Variants in TFDP2 observed in about 807,000 individuals in gnomAD.
TFDP2 encodes transcription factor Dp-2 (E2F dimerization partner 2).
Under a neutral mutation model 59.3 loss-of-function variants are expected in TFDP2, and 17 were observed. The observed-to-expected ratio is 0.29, with a 90% confidence interval of 0.20 to 0.43. The LOEUF is 0.43. TFDP2 is among the 20% of genes least tolerant of loss of function. The probability of loss-of-function intolerance (pLI) is 1.00; values close to 1 mark genes in which losing one functional copy is unlikely to be tolerated. For synonymous variants in TFDP2, 180 were observed against 194.7 expected, an observed-to-expected ratio of 0.92 and a Z score of 0.63; for missense variants, 391 against 528.8, an observed-to-expected ratio of 0.74 and a Z score of 2.56.
intron 1 of TFDP2, among the ~76,000 whole-genome samples, chr3:142,119,499 A>G (rs1356863827): frequency 6.6e-6 from 1 of 152,242 alleles, no homozygotes; most frequent in Non-Finnish European, 1.5e-5. Flanking sequence ...AAGGCCATCA[A>G]AAAACAGTTT....
chr3:141,987,078 C>A (rs78728386), intron 6 of TFDP2, among the ~76,000 whole-genome samples: 2,006 of 152,146 alleles, frequency 0.013, 46 homozygotes, highest in African/African-American at 0.046. Flanking sequence ...GCAAATAGTG[C>A]CATTTTATTT....
chr3:142,013,826 A>G (rs1161374699), intron 3 of TFDP2, among the ~76,000 whole-genome samples: 1 of 126,512 alleles, frequency 7.9e-6, no homozygotes, highest in Non-Finnish European at 1.7e-5. Flanking sequence ...AATCACCTTC[A>G]ATATGTCCAA....
At chr3:142,047,131 A>G (rs1947379292) in intron 3 of TFDP2, among the ~76,000 whole-genome samples, 1 of 152,210 alleles carries the variant, frequency 6.6e-6, no homozygotes, top group Non-Finnish European at 1.5e-5. Flanking sequence ...CAGATTAACA[A>G]CGTTGAAAGA....
Position 141,959,767 on chromosome 3 carries a change from T to G in TFDP2, c.958A>C (p.Met320Leu). 1 of 1,614,158 alleles carries G rather than the reference T, an allele frequency of 6.2e-7. No homozygotes were observed. The highest frequency in any genetic ancestry group is 8.5e-7 in the Non-Finnish European group (1 of 1,180,000). Residue 320 changes from methionine (M) to leucine (L), a missense_variant, in exon 11 of 13, where the codon ATG becomes CTG. Met to Leu is a conservative substitution (Grantham distance 15). Coordinates refer to ENST00000489671, the MANE Select transcript of TFDP2 (RefSeq NM_001178139.2). ...DDIEVLKRMG[M>L]SFGLESGKCS... ...TTGCCTGACTCCAGGCCAAACGACA[T>G]TCCCATCCGCTTTAGTACTTCTATG...
At chr3:141,974,907 CTT>C (rs753702830) in intron 7 of TFDP2, among the ~76,000 whole-genome samples, 3 of 90,484 alleles carry the variant, frequency 3.3e-5, no homozygotes, top group South Asian at 4.2e-4. Flanking sequence ...TCTTCTTCTT[CTT>C]TTTTTTTTTT....
At chr3:142,113,253 T>TATTTATTTATTTATTTATTTA (rs142413325) in intron 1 of TFDP2, among the ~76,000 whole-genome samples, 6 of 152,010 alleles carry the variant, frequency 3.9e-5, no homozygotes, top group Admixed American at 6.6e-5. Flanking sequence ...GACATTTATT[T>TATTTATTTATTTATTTATTTA]TTTATTTATT....
intron 3 of TFDP2, among the ~76,000 whole-genome samples, chr3:142,028,210 GA>G (rs1189386171): frequency 5.9e-5 from 9 of 151,908 alleles, no homozygotes; most frequent in Non-Finnish European, 1.0e-4. Flanking sequence ...AACTACTGGG[GA>G]AAAAAATGAA....
At chr3:142,044,204 C>T (rs539796209) in intron 3 of TFDP2, 40 of 275,072 alleles carry the variant, frequency 1.5e-4, no homozygotes, top group Middle Eastern at 1.4e-3. Context: ...CTCATGGCTG[C>T]GGCGGCGGCA....
At chr3:141,953,297 A>G (rs1936145833) in intron 11 of TFDP2, among the ~76,000 whole-genome samples, 1 of 152,150 alleles carries the variant, frequency 6.6e-6, no homozygotes, top group Admixed American at 6.6e-5. Context: ...TCTTTTTCTT[A>G]GATAAGCCCT....
At chr3:141,992,364 T>G (rs1042468762) in intron 6 of TFDP2, among the ~76,000 whole-genome samples, 17 of 152,248 alleles carry the variant, frequency 1.1e-4, no homozygotes, top group African/African-American at 4.1e-4. Flanking sequence ...AACACTTTTA[T>G]GTGTTCTCAC....
chr3:142,108,892 C>T (rs2061561545), intron 1 of TFDP2, among the ~76,000 whole-genome samples: 1 of 152,158 alleles, frequency 6.6e-6, no homozygotes, highest in Non-Finnish European at 1.5e-5. Context: ...CTGTCTGGAA[C>T]CTTTACCTGA....
At chr3:142,031,301 T>C (rs142778461) in intron 3 of TFDP2, among the ~76,000 whole-genome samples, 15 of 152,196 alleles carry the variant, frequency 9.9e-5, no homozygotes, top group African/African-American at 3.6e-4. Context: ...TGAGCACCTA[T>C]TATGTATCAG....
At chr3:141,972,302 G>T (rs184745583) in intron 8 of TFDP2, among the ~76,000 whole-genome samples, 1 of 152,230 alleles carries the variant, frequency 6.6e-6, no homozygotes, top group Admixed American at 6.5e-5. Flanking sequence ...GGCCGCTGCC[G>T]TAACTCAGAC....
At chr3:141,994,652 G>A (rs1232554312) in intron 5 of TFDP2, 1 of 154,934 alleles carries the variant, frequency 6.5e-6, no homozygotes, top group Non-Finnish European at 1.4e-5. Flanking sequence ...ATTCATAGGG[G>A]AAATTCTGAG....
chr3:142,041,163 G>A (rs1946950704), intron 3 of TFDP2, among the ~76,000 whole-genome samples: 1 of 152,210 alleles, frequency 6.6e-6, no homozygotes, highest in African/African-American at 2.4e-5. Context: ...AGTGAGGGCT[G>A]ACTTGTGCAT....
At chr3:141,993,620 ATACT>A (rs1372941076) in intron 5 of TFDP2, 35 bp from the exon 6 acceptor site, 4 of 1,225,118 alleles carry the variant, frequency 3.3e-6, no homozygotes, top group African/African-American at 1.5e-5. Flanking sequence ...AAAACAATAC[ATACT>A]TAAATACAAT....
chr3:141,994,480 T>A (rs1030178510), intron 5 of TFDP2: 1 of 152,180 alleles, frequency 6.6e-6, no homozygotes, highest in African/African-American at 2.4e-5. Flanking sequence ...GTATAAGTAT[T>A]TTACATGCAA....
In TFDP2 at chr3:142,041,057, G is replaced by C. The variant is rs145304528; in HGVS notation, c.83-35513C>G. 1.0e-3 allele frequency among the ~76,000 whole-genome samples: 159 copies of C among 152,276 alleles called. 1 individual carries two copies. The highest frequency in any genetic ancestry group is 3.4e-3 in the African/African-American group (143 of 41,550). On this transcript the variant is annotated intron_variant, in intron 3 of 12. Transcript: ENST00000489671. Reference sequence around the variant, plus strand: ...CAGCTGTAATAAACTGTAACTGTGAGTATAACAGCTTACAATGAGTTCTGT... The same window carrying C: ...CAGCTGTAATAAACTGTAACTGTGACTATAACAGCTTACAATGAGTTCTGT...
At chr3:142,035,859 AC>A (rs2108429439) in intron 3 of TFDP2, among the ~76,000 whole-genome samples, 1 of 152,364 alleles carries the variant, frequency 6.6e-6, no homozygotes, top group Non-Finnish European at 1.5e-5. Flanking sequence ...TTCCCCAGCC[AC>A]ATGGAACTGT....
Sources: allele counts gnomAD v4.1 joint callset (sites outside exome capture counted in the v4.1 genomes callset), GRCh38; gene constraint gnomAD v4.1.1; transcripts MANE v1.5; gene names NCBI Gene and HGNC (gene_info 2026-07-23, HGNC 2026-07-21).